The following BEND4 variants were observed in gnomAD, a reference collection of about 807,000 sequenced individuals.
The protein encoded by BEND4 is BEN domain containing 4, also known as BEN domain-containing protein 4.
In BEND4, 27 loss-of-function variants were observed where a neutral mutation model predicts 54.7. That is an observed-to-expected ratio of 0.49 (90% CI 0.36 to 0.68). BEND4 has a LOEUF of 0.68. Ranked by LOEUF, BEND4 falls within the 30% of genes least tolerant of loss-of-function variation. BEND4 has a pLI of 0.00. For synonymous variants in BEND4, 327 were observed against 299.5 expected, an observed-to-expected ratio of 1.09 and a Z score of -0.95; for missense variants, 702 against 697.2, an observed-to-expected ratio of 1.01 and a Z score of -0.08.
intron 2 of BEND4, among the ~76,000 whole-genome samples, chr4:42,146,449 CTG>C (rs1721085491): frequency 6.6e-6 from 1 of 152,250 alleles, no homozygotes; most frequent in Non-Finnish European, 1.5e-5. Flanking sequence ...GATATATGCT[CTG>C]TGAGGCACTA....
Position 42,152,263 on chromosome 4 carries a change from G to C in BEND4, c.-120C>G. ...CTGGTGCGCGCGTGTGGGAGGGTGT[G>C]TGTCTGTGCCGTGGCCGCCGCCGCC... On this transcript the variant is annotated 5_prime_UTR_variant, in exon 2 of 6. Coordinates refer to ENST00000502486, the MANE Select transcript of BEND4 (RefSeq NM_207406.4). The C allele has an allele frequency of 5.6e-6, 6 of 1,067,692 alleles. No homozygotes were observed. Among genetic ancestry groups the C allele is most frequent in the Non-Finnish European group, 7.1e-6 (6 of 842,980 alleles). 66.1% of individuals were successfully genotyped at this position (1,067,692 alleles called of 1,614,324 possible).
chr4:42,138,744 TA>T (rs2153146702), intron 3 of BEND4, among the ~76,000 whole-genome samples: 1 of 152,316 alleles, frequency 6.6e-6, no homozygotes, highest in East Asian at 1.9e-4. Flanking sequence ...ATCCTCCCTA[TA>T]TTTGACACTT....
intron 4 of BEND4, among the ~76,000 whole-genome samples, chr4:42,121,585 A>C (rs2153144778): frequency 6.6e-6 from 1 of 152,350 alleles, no homozygotes; most frequent in East Asian, 1.9e-4. Flanking sequence ...CATGAGTACA[A>C]GATATGACTA....
chr4:42,117,823 T>C, intron 5 of BEND4, 88 bp from the exon 6 acceptor site: 1 of 820,004 alleles, frequency 1.2e-6, no homozygotes, highest in Admixed American at 2.9e-5. Flanking sequence ...GCTTAAACTT[T>C]AACAGAAGCT....
intron 4 of BEND4, 120 bp downstream of exon 4, chr4:42,125,463 C>T (rs894263929): frequency 2.8e-6 from 2 of 723,826 alleles, no homozygotes; most frequent in Admixed American, 4.4e-5. Context: ...GGCAACAGAC[C>T]CATAAACCTC....
At position 42,129,909 on chromosome 4, in the gene BEND4, T is replaced by G. The variant is rs543448027; in HGVS notation, c.1055-4235A>C. On this transcript the variant is annotated intron_variant, in intron 3 of 5. Transcript: ENST00000502486. ...CAAAAGCAAAAATTGACAGATAGGATCCAAGTAAAAGCTTCTGCACAGCAA... is the reference window on the plus strand; with the variant it reads ...CAAAAGCAAAAATTGACAGATAGGAGCCAAGTAAAAGCTTCTGCACAGCAA... Among the ~76,000 whole-genome samples, 3 of 152,104 alleles carry G rather than the reference T, an allele frequency of 2.0e-5. No homozygotes were observed. The East Asian group carries it at 5.8e-4, about 29-fold the overall frequency.
chr4:42,121,593 CTATT>C (rs1463883167), intron 4 of BEND4, among the ~76,000 whole-genome samples: 1 of 152,192 alleles, frequency 6.6e-6, no homozygotes, highest in East Asian at 1.9e-4. Flanking sequence ...CAAGATATGA[CTATT>C]TGGGAGCATG....
intron 5 of BEND4, 72 bp downstream of exon 5, chr4:42,119,982 T>C: frequency 3.2e-6 from 5 of 1,583,824 alleles, no homozygotes; most frequent in African/African-American, 1.3e-5. Flanking sequence ...TGAACACTTG[T>C]ACGGGGAGAG....
intron 2 of BEND4, among the ~76,000 whole-genome samples, chr4:42,150,321 CAATA>C (rs1721221318): frequency 6.6e-6 from 1 of 150,638 alleles, no homozygotes. Context: ...ACCCCACAAA[CAATA>C]AGGAAGTCCA....
At chr4:42,118,364 A>C (rs1320814492) in intron 5 of BEND4, among the ~76,000 whole-genome samples, 1 of 152,250 alleles carries the variant, frequency 6.6e-6, no homozygotes, top group African/African-American at 2.4e-5. Context: ...AAAGCAATTA[A>C]CATGCCCAGA....
chr4:42,152,308 G>A lies in BEND4; in HGVS notation c.-165C>T. 2 of 616,650 alleles carry A rather than the reference G, an allele frequency of 3.2e-6. 1 individual carries two copies. Among genetic ancestry groups the A allele is most frequent in the African/African-American group, 3.8e-5 (2 of 52,104 alleles). 38.2% of individuals were successfully genotyped at this position (616,650 alleles called of 1,614,324 possible). A position where few individuals can be genotyped will look rare whatever the true frequency, so the allele number is the denominator to read the frequency against. On this transcript the variant is annotated 5_prime_UTR_variant, in exon 2 of 6. Coordinates refer to ENST00000502486, the MANE Select transcript of BEND4 (RefSeq NM_207406.4). The stretch of plus-strand genomic sequence containing the variant: ...GCCGCCGCCGCCTGTCGCTGAGGCT[G>A]GCATCGCCGAGCCCCCGCGCGGGGG...
chr4:42,123,685 T>G (rs1720146133), intron 4 of BEND4, among the ~76,000 whole-genome samples: 1 of 77,280 alleles, frequency 1.3e-5, no homozygotes. Flanking sequence ...ACTTTGGATC[T>G]GTAATTCAGA....
intron 4 of BEND4, among the ~76,000 whole-genome samples, chr4:42,123,935 T>C (rs79446744): frequency 6.6e-6 from 1 of 152,128 alleles, no homozygotes; most frequent in South Asian, 2.1e-4. Context: ...ATAGGTGTGG[T>C]GAGATCAAGC....
intron 5 of BEND4, among the ~76,000 whole-genome samples, chr4:42,117,956 T>C (rs975314822): frequency 1.3e-5 from 2 of 152,038 alleles, no homozygotes; most frequent in Non-Finnish European, 2.9e-5. Flanking sequence ...ATTACACAGA[T>C]ATAGAGGGTA....
intron 3 of BEND4, among the ~76,000 whole-genome samples, chr4:42,130,564 C>T (rs939931994): frequency 2.0e-5 from 3 of 150,190 alleles, no homozygotes; most frequent in Admixed American, 6.6e-5. Flanking sequence ...CAAGAAACAA[C>T]AGATGCTGGC....
chr4:42,121,939 T>C (rs1490030430), intron 4 of BEND4, among the ~76,000 whole-genome samples: 1 of 151,448 alleles, frequency 6.6e-6, no homozygotes, highest in African/African-American at 2.4e-5. Flanking sequence ...GGAGGGAAAA[T>C]AAATCCATTG....
intron 2 of BEND4, chr4:42,151,349 G>T: frequency 4.3e-6 from 1 of 234,156 alleles, no homozygotes; most frequent in East Asian, 7.6e-5. Context: ...TCCCCCGGGG[G>T]GGCGTCTGGC....
chr4:42,139,801 G>C lies in BEND4; in HGVS notation c.1054+3627C>G, dbSNP rs184480353. Among the ~76,000 whole-genome samples the C allele has an allele frequency of 1.1e-4, 16 of 152,262 alleles. No homozygotes were observed. In the East Asian group the frequency reaches 2.9e-3, roughly 28 times the overall value. The stretch of plus-strand genomic sequence containing the variant: ...CCCACAACACAGGTAGATTCTACTA[G>C]AAGAAAGCCCCAGGTCCTTCCACAG... On this transcript the variant is annotated intron_variant, in intron 3 of 5. Coordinates refer to ENST00000502486, the MANE Select transcript of BEND4 (RefSeq NM_207406.4).
chr4:42,125,379 CCACTTAGTA>C (rs1482061707), intron 4 of BEND4, among the ~76,000 whole-genome samples, 195 bp downstream of exon 4: 1 of 152,214 alleles, frequency 6.6e-6, no homozygotes, highest in African/African-American at 2.4e-5. Flanking sequence ...CTGTCTTTCC[CCACTTAGTA>C]CATGCAGCTG....
Sources: allele counts gnomAD v4.1 joint callset (sites outside exome capture counted in the v4.1 genomes callset), GRCh38; gene constraint gnomAD v4.1.1; transcripts MANE v1.5; gene names NCBI Gene and HGNC (gene_info 2026-07-23, HGNC 2026-07-21).